BHLHE41: variants seen among roughly 807,000 people sequenced by gnomAD.
BHLHE41 encodes class E basic helix-loop-helix protein 41.
In BHLHE41, 14 loss-of-function variants were observed where a neutral mutation model predicts 24.0. That is an observed-to-expected ratio of 0.58 (90% CI 0.39 to 0.91). The LOEUF (loss-of-function observed/expected upper bound fraction) is 0.91, where lower values mean the gene tolerates loss of function less well. Ranked by LOEUF, BHLHE41 falls within the 40% of genes least tolerant of loss-of-function variation. The pLI is 0.00. For synonymous variants in BHLHE41, 394 were observed against 315.5 expected, an observed-to-expected ratio of 1.25 and a Z score of -2.64; for missense variants, 674 against 655.4, an observed-to-expected ratio of 1.03 and a Z score of -0.31.
In BHLHE41 at chr12:26,124,173, A is replaced by G; in HGVS notation, c.133T>C (p.Tyr45His). The G allele has an allele frequency of 6.3e-7, 1 of 1,590,272 alleles. No individual in the cohort carries two copies. The highest frequency in any genetic ancestry group is 8.6e-7 in the Non-Finnish European group (1 of 1,159,250). The change falls in exon 3 of 5, where the codon TAC becomes CAC. Residue 45 changes from tyrosine to histidine, a missense_variant. Coordinates refer to ENST00000242728, the MANE Select transcript of BHLHE41 (RefSeq NM_030762.3). ...TCTATTAATCTGTGCGGTAATTTGT[A>G]GGTATCCTTAATATATGAGAGTCAT... ...SMKRDDTKDT[Y>H]KLPHRLIEKK...
Position 26,122,246 on chromosome 12 carries a change from G to T in BHLHE41, c.1269C>A (p.Pro423=). 7.8e-7 allele frequency: 1 copy of T among 1,275,456 alleles called. No individual in the cohort carries two copies. Among genetic ancestry groups the T allele is most frequent in the Non-Finnish European group, 9.9e-7 (1 of 1,013,928 alleles). The allele number at this position is 1,275,456 out of a possible 1,614,324, so 79.0% of individuals were successfully genotyped here. ...PCLSSVLSPP[P]EKAGAAAATL... Reference sequence around the variant, plus strand: ...TCGCGGCGGCGGCGCCCGCCTTCTCGGGAGGGGGCGACAACACCGAGGACA... The same window carrying T: ...TCGCGGCGGCGGCGCCCGCCTTCTCTGGAGGGGGCGACAACACCGAGGACA... Residue 423 remains proline (P), a synonymous_variant, in exon 5 of 5, where the codon CCC becomes CCA. Coordinates refer to ENST00000242728, the MANE Select transcript of BHLHE41 (RefSeq NM_030762.3).
chr12:26,123,219 G>C, intron 4 of BHLHE41, 51 bp from the exon 5 acceptor site: 1 of 1,523,888 alleles, frequency 6.6e-7, no homozygotes, highest in Non-Finnish European at 8.8e-7. Context: ...GAGGCAAGAA[G>C]AAACATACCC....
Position 26,123,670 on chromosome 12 carries a change from T to A in BHLHE41, c.306A>T (p.Leu102Phe). Reference protein sequence around the residue: ...TLKHLKALTALTEQQHQKIIA... With the variant: ...TLKHLKALTAFTEQQHQKIIA... ...TTATCTTCTGATGCTGTTGCTCGGTTAAGGCGGTTAAAGCTTTTAAGTGTT... is the reference window on the plus strand; with the variant it reads ...TTATCTTCTGATGCTGTTGCTCGGTAAAGGCGGTTAAAGCTTTTAAGTGTT... Residue 102 changes from leucine to phenylalanine, a missense_variant, in exon 4 of 5, where the codon TTA becomes TTT. Physicochemically the swap from Leu to Phe is conservative, Grantham distance 22 (BLOSUM62 0). Coordinates refer to ENST00000242728, the MANE Select transcript of BHLHE41 (RefSeq NM_030762.3). 6.2e-7 allele frequency: 1 copy of A among 1,614,140 alleles called. No individual in the cohort carries two copies. The highest frequency in any genetic ancestry group is 8.5e-7 in the Non-Finnish European group (1 of 1,179,946).
Position 26,123,632 on chromosome 12 carries a change from T to G in BHLHE41, c.344A>C (p.Asn115Thr), listed in dbSNP as rs1187040036. 1 of 1,610,712 alleles carries G rather than the reference T, an allele frequency of 6.2e-7. No homozygotes were observed. The highest frequency in any genetic ancestry group is 1.3e-5 in the African/African-American group (1 of 74,966). Residue 115 changes from asparagine to threonine, a missense_variant and splice_region_variant, in exon 4 of 5, where the codon AAT (asparagine) becomes ACT (threonine). By Grantham distance (65) the Asn-to-Thr change is moderately conservative (BLOSUM62 0). This residue lies in a region of BHLHE41 where 602 missense variants were observed against 570.8 expected (regional missense o/e 1.05). Transcript: ENST00000242728. ...QQHQKIIALQ[N>T]GERSLKSPIQ... is the part of the protein sequence containing the mutation. ...CTGGCCTCCCTGAACTGACTTACCATTCTGTAAAGCAATTATCTTCTGATG... is the reference window on the plus strand; with the variant it reads ...CTGGCCTCCCTGAACTGACTTACCAGTCTGTAAAGCAATTATCTTCTGATG...
At chr12:26,123,590 C>T (rs762601218) in intron 4 of BHLHE41, 40 bp downstream of exon 4, 57 of 1,441,512 alleles carry the variant, frequency 4.0e-5, no homozygotes, top group Non-Finnish European at 5.4e-5. Context: ...TGGGCTGCCC[C>T]GCTTCATCAG....
chr12:26,122,772 G>A lies in BHLHE41; in HGVS notation c.743C>T (p.Ala248Val). ...TTTGCCTTTCTCGCGGTCCGGCCGG[G>A]CCTCGGCTTCGCCGCCGTAGCCGCT... ...TDSGYGGEAE[A>V]RPDREKGKGA... is the part of the protein sequence containing the mutation. The change falls in exon 5 of 5, where the codon GCC becomes GTC. Residue 248 changes from alanine (A) to valine (V), a missense_variant. Physicochemically the swap from Ala to Val is moderately conservative, Grantham distance 64. Coordinates refer to ENST00000242728, the MANE Select transcript of BHLHE41 (RefSeq NM_030762.3). The A allele has an allele frequency of 6.3e-7, 1 of 1,590,388 alleles. No homozygotes were observed. Among genetic ancestry groups the A allele is most frequent in the Non-Finnish European group, 8.5e-7 (1 of 1,174,562 alleles).
chr12:26,123,974 G>T, intron 3 of BHLHE41, 98 bp downstream of exon 3: 2 of 941,500 alleles, frequency 2.1e-6, no homozygotes. Flanking sequence ...TTTAAGTCAG[G>T]AACTTATATT....
intron 4 of BHLHE41, 141 bp from the exon 5 acceptor site, chr12:26,123,309 A>G: frequency 8.2e-7 from 1 of 1,212,450 alleles, no homozygotes; most frequent in Middle Eastern, 2.7e-4. Flanking sequence ...CAAGTGATAT[A>G]ATCCACCAGT....
Position 26,124,066 on chromosome 12 carries a change from T to C in BHLHE41, c.234+6A>G. ...GAGCAGCAAAGAATGAAAATGTGCA[T>C]CTTACTGTCAATTTCAGATGTTCAG... On this transcript the variant is annotated splice_donor_region_variant and intron_variant, in intron 3 of 4. Transcript: ENST00000242728. The C allele has an allele frequency of 6.4e-7, 1 of 1,572,322 alleles. No individual in the cohort carries two copies. Among genetic ancestry groups the C allele is most frequent in the Non-Finnish European group, 8.8e-7 (1 of 1,141,882 alleles).
chr12:26,121,974 G>T lies in BHLHE41; in HGVS notation c.*92C>A, dbSNP rs1169419592. The T allele has an allele frequency of 2.6e-6, 4 of 1,539,342 alleles. No homozygotes were observed. Among genetic ancestry groups the T allele is most frequent in the Admixed American group, 3.9e-5 (2 of 50,678 alleles). On this transcript the variant is annotated 3_prime_UTR_variant, in exon 5 of 5. Transcript: ENST00000242728. Reference sequence around the variant, plus strand: ...ACACTTCCTCCCTTAAAGACCTTAAGGGTATTTTAACTTCTCACTCTGCTT... The same window carrying T: ...ACACTTCCTCCCTTAAAGACCTTAATGGTATTTTAACTTCTCACTCTGCTT...
chr12:26,123,054 G>C lies in BHLHE41; in HGVS notation c.461C>G (p.Pro154Arg). 1.0e-5 allele frequency: 16 copies of C among 1,583,502 alleles called. No homozygotes were observed. Among genetic ancestry groups the C allele is most frequent in the Non-Finnish European group, 1.2e-5 (14 of 1,164,204 alleles). ...CAGCTGGACACACCGCGGCTCCCTG[G>C]GTGTCCAGCTCTCAAACCGGGAGAG... ...QYLSRFESWT[P>R]REPRCVQLIN... Residue 154 changes from proline (P) to arginine (R), a missense_variant, in exon 5 of 5, where the codon CCC (proline) becomes CGC (arginine). By Grantham distance (103) the Pro-to-Arg change is moderately radical. Transcript: ENST00000242728.
chr12:26,124,485 C>A (rs370994677), intron 2 of BHLHE41, 34 bp downstream of exon 2: 721 of 1,598,836 alleles, frequency 4.5e-4, no homozygotes, highest in Non-Finnish European at 5.8e-4. Flanking sequence ...ACTACCCATG[C>A]AGGTTATGAG....
In BHLHE41 at chr12:26,124,801, T is replaced by C. The variant is rs761450674; in HGVS notation, c.-22A>G. 2 of 1,613,918 alleles carry C rather than the reference T, an allele frequency of 1.2e-6. No homozygotes were observed. The highest frequency in any genetic ancestry group is 1.7e-5 in the Admixed American group (1 of 60,036). ...CCATGTTCAACTGCTGTTCGTTTCCTCTGTTTCGATTTTTGGGGCTCTGTA... is the reference window on the plus strand; with the variant it reads ...CCATGTTCAACTGCTGTTCGTTTCCCCTGTTTCGATTTTTGGGGCTCTGTA... On this transcript the variant is annotated 5_prime_UTR_variant, in exon 1 of 5. Coordinates refer to ENST00000242728, the MANE Select transcript of BHLHE41 (RefSeq NM_030762.3).
chr12:26,121,883 A>C lies in BHLHE41; in HGVS notation c.*183T>G, dbSNP rs1944308402. Reference sequence around the variant, plus strand: ...TGGGGTGGTGCGGGATGAGCAAAACAGGAACTCCGAATGTACACATAACAC... The same window carrying C: ...TGGGGTGGTGCGGGATGAGCAAAACCGGAACTCCGAATGTACACATAACAC... On this transcript the variant is annotated 3_prime_UTR_variant, in exon 5 of 5. Transcript: ENST00000242728. The C allele has an allele frequency of 2.0e-6, 3 of 1,470,024 alleles. No individual in the cohort carries two copies. In the South Asian group the frequency reaches 3.9e-5, roughly 19 times the overall value. 91.1% of individuals were successfully genotyped at this position (1,470,024 alleles called of 1,614,324 possible).
At chr12:26,123,879 C>T in intron 3 of BHLHE41, 138 bp from the exon 4 acceptor site, 1 of 775,418 alleles carries the variant, frequency 1.3e-6, no homozygotes, top group Non-Finnish European at 2.3e-6. Flanking sequence ...GAGCTTTCCA[C>T]AAGACAGGTT....
intron 3 of BHLHE41, 30 bp downstream of exon 3, chr12:26,124,042 A>G (rs752987612): frequency 7.1e-7 from 1 of 1,405,612 alleles, no homozygotes; most frequent in East Asian, 2.3e-5. Context: ...GCCCTTGGAG[A>G]GCAGCAAAGA....
At chr12:26,124,655 C>T (rs1387084508) in intron 1 of BHLHE41, 63 bp downstream of exon 1, 76 of 1,612,390 alleles carry the variant, frequency 4.7e-5, no homozygotes, top group Non-Finnish European at 6.4e-5. Flanking sequence ...ATACCACTTT[C>T]TGGAGAAGAA....
At position 26,121,902 on chromosome 12, in the gene BHLHE41, A is replaced by G. The variant is rs190616733; in HGVS notation, c.*164T>C. 94 of 1,517,336 alleles carry G rather than the reference A, an allele frequency of 6.2e-5. No homozygotes were observed. The East Asian group carries it at 2.2e-3, about 36-fold the overall frequency. The allele number at this position is 1,517,336 out of a possible 1,614,324, so 94.0% of individuals were successfully genotyped here. A position where few individuals can be genotyped will look rare whatever the true frequency, so the allele number is the denominator to read the frequency against. On this transcript the variant is annotated 3_prime_UTR_variant, in exon 5 of 5. Transcript: ENST00000242728. Reference sequence around the variant, plus strand: ...CAAAACAGGAACTCCGAATGTACACATAACACCTGTTTTGTTGTTCTTGTT... The same window carrying G: ...CAAAACAGGAACTCCGAATGTACACGTAACACCTGTTTTGTTGTTCTTGTT...
In BHLHE41 at chr12:26,123,741, T is replaced by C; in HGVS notation, c.235A>G (p.Thr79Ala). 6.2e-7 allele frequency: 1 copy of C among 1,606,886 alleles called. No homozygotes were observed. Among genetic ancestry groups the C allele is most frequent in the East Asian group, 2.2e-5 (1 of 44,840 alleles). The change falls in exon 4 of 5, where the codon ACT (threonine) becomes GCT (alanine). Residue 79 changes from threonine (T) to alanine (A), a missense_variant and splice_region_variant. Thr to Ala is a moderately conservative substitution (Grantham distance 58). Around this residue, in one of 3 missense-constraint regions of BHLHE41, gnomAD observed 602 missense variants for 570.8 expected, o/e 1.05. Transcript: ENST00000242728. ...DLLPEHLKLTTLGHLEKAVVL... is the reference protein window; with the variant it reads ...DLLPEHLKLTALGHLEKAVVL... ...ACAGCTTTCTCCAGATGTCCCAGAG[T>C]CTGCAGTGGTGCAAAAAAGAAACGG...
Sources: allele counts gnomAD v4.1 joint callset, GRCh38; gene constraint gnomAD v4.1.1; regional missense constraint gnomAD v4.1.1; transcripts MANE v1.5; gene names NCBI Gene and HGNC (gene_info 2026-07-23, HGNC 2026-07-21).